The following BCAS3 variants were observed in gnomAD, a reference collection of about 807,000 sequenced individuals.
The protein encoded by BCAS3 is BCAS3 microtubule associated cell migration factor, also known as BCAS4/BCAS3 fusion.
A neutral mutation model predicts 116.1 loss-of-function variants in BCAS3; 53 were observed. That is an observed-to-expected ratio of 0.46 (90% CI 0.37 to 0.57). The LOEUF (loss-of-function observed/expected upper bound fraction) is 0.57. BCAS3 is among the 20% of genes least tolerant of loss of function. The pLI, the probability that BCAS3 is intolerant of heterozygous loss-of-function variation, is 0.00. For synonymous variants in BCAS3, 391 were observed against 408.2 expected, an observed-to-expected ratio of 0.96 and a Z score of 0.51; for missense variants, 917 against 1,165.4, an observed-to-expected ratio of 0.79 and a Z score of 3.10.
At chr17:60,901,170 C>G (rs1213095980) in intron 10 of BCAS3, among the ~76,000 whole-genome samples, 2 of 151,568 alleles carry the variant, frequency 1.3e-5, no homozygotes, top group Admixed American at 6.6e-5. Context: ...GAAATCATAC[C>G]ACTGCACTCC....
intron 22 of BCAS3, among the ~76,000 whole-genome samples, chr17:61,143,033 A>G (rs187779500): frequency 1.7e-4 from 26 of 152,330 alleles, no homozygotes; most frequent in African/African-American, 6.3e-4. Flanking sequence ...ATTATTTATT[A>G]AAAGAACTCA....
intron 7 of BCAS3, among the ~76,000 whole-genome samples, chr17:60,838,373 T>C (rs754777904): frequency 3.2e-4 from 49 of 152,128 alleles, no homozygotes; most frequent in Non-Finnish European, 5.1e-4. Context: ...TTGTAAAGTT[T>C]CTGAATTTCA....
rs182521793 is a variant in BCAS3, at chr17:61,285,506, C to T, written c.2426-82821C>T. Reference sequence around the variant, plus strand: ...AGACTAGACTAGACTAGAGGATTGACGCAGTGAAAATGTTTACTCCTCTAA... The same window carrying T: ...AGACTAGACTAGACTAGAGGATTGATGCAGTGAAAATGTTTACTCCTCTAA... On this transcript the variant is annotated intron_variant, in intron 22 of 23. Transcript: ENST00000407086. This position sits in a 1 kb window ranked among gnomAD's most constrained non-coding sequence, Gnocchi z 5.4. 2.0e-5 allele frequency among the ~76,000 whole-genome samples: 3 copies of T among 152,214 alleles called. No individual in the cohort carries two copies. Among genetic ancestry groups the T allele is most frequent in the Admixed American group, 1.3e-4 (2 of 15,300 alleles).
intron 13 of BCAS3, among the ~76,000 whole-genome samples, 165 bp from the exon 14 acceptor site, chr17:60,947,054 T>G (rs2060540778): frequency 6.6e-6 from 1 of 152,266 alleles, no homozygotes; most frequent in African/African-American, 2.4e-5. Context: ...AAGCTTGGTA[T>G]TCACATGAAA....
intron 5 of BCAS3, among the ~76,000 whole-genome samples, chr17:60,734,203 T>C (rs2040743726): frequency 6.6e-6 from 1 of 152,204 alleles, no homozygotes; most frequent in Non-Finnish European, 1.5e-5. Context: ...CGATCCTAGC[T>C]CACTACAGCT....
chr17:61,044,461 A>AT (rs1288025712), intron 19 of BCAS3, among the ~76,000 whole-genome samples: 1,316 of 126,966 alleles, frequency 0.01, 10 homozygotes, highest in Non-Finnish European at 0.015. Flanking sequence ...AAAAAAAAAA[A>AT]AAAAATATAT....
intron 6 of BCAS3, among the ~76,000 whole-genome samples, chr17:60,765,589 G>A (rs1219465253): frequency 6.6e-6 from 1 of 152,118 alleles, no homozygotes; most frequent in East Asian, 1.9e-4. Context: ...TCCCTTTGTG[G>A]GTAACTTGAC....
At chr17:61,384,591 T>C (rs1014940248) in intron 23 of BCAS3, 5 of 152,146 alleles carry the variant, frequency 3.3e-5, no homozygotes, top group Non-Finnish European at 5.9e-5. Context: ...CAGGGAGTGG[T>C]AGGGCAGGGC....
At position 61,021,553 on chromosome 17, in the gene BCAS3, T is replaced by G. The variant is rs551525759; in HGVS notation, c.1637+5652T>G. 8.9e-4 allele frequency among the ~76,000 whole-genome samples: 135 copies of G among 152,144 alleles called. 1 individual carries two copies. The highest frequency in any genetic ancestry group is 2.0e-3 in the Admixed American group (30 of 15,292). On this transcript the variant is annotated intron_variant, in intron 16 of 23. Transcript: ENST00000407086. This position sits in a 1 kb window ranked among gnomAD's most constrained non-coding sequence, Gnocchi z 4.6. Reference sequence around the variant, plus strand: ...AATTTCTTCACCTGAAAAAAAAAAGTTTATATATATGGATTATAATCTTTT... The same window carrying G: ...AATTTCTTCACCTGAAAAAAAAAAGGTTATATATATGGATTATAATCTTTT...
intron 22 of BCAS3, among the ~76,000 whole-genome samples, chr17:61,182,473 A>T (rs750134776): frequency 1.3e-5 from 2 of 152,108 alleles, no homozygotes; most frequent in Non-Finnish European, 2.9e-5. Context: ...TATCTCCCTA[A>T]TCCTACTCTT....
At position 61,387,776 on chromosome 17, in the gene BCAS3, G is replaced by A. The variant is rs1215750541; in HGVS notation, c.2594-4201G>A. Among the ~76,000 whole-genome samples, 1 of 152,192 alleles carries A rather than the reference G, an allele frequency of 6.6e-6. No homozygotes were observed. The highest frequency in any genetic ancestry group is 1.5e-5 in the Non-Finnish European group (1 of 68,042). On this transcript the variant is annotated intron_variant, in intron 23 of 23. Coordinates refer to ENST00000407086, the MANE Select transcript of BCAS3 (RefSeq NM_017679.5). This position sits in a 1 kb window ranked among gnomAD's most constrained non-coding sequence, Gnocchi z 6.2. The stretch of plus-strand genomic sequence containing the variant: ...CACCCGTTCTTTCTTGGGGGATGGG[G>A]GTGGGAGGTGAAGAACCAGAGCTAG...
At chr17:60,695,864 G>A (rs770908437) in intron 4 of BCAS3, among the ~76,000 whole-genome samples, 1 of 152,126 alleles carries the variant, frequency 6.6e-6, no homozygotes, top group Non-Finnish European at 1.5e-5. Context: ...CTCCTAAAGT[G>A]CTGGGATACA....
chr17:61,185,033 A>C (rs985455606), intron 22 of BCAS3, among the ~76,000 whole-genome samples: 1 of 151,980 alleles, frequency 6.6e-6, no homozygotes, highest in African/African-American at 2.4e-5. Flanking sequence ...TACTATATGC[A>C]TTAAAAAAAA....
Position 61,023,143 on chromosome 17 carries a change from CT to C in BCAS3, c.1637+7243del, listed in dbSNP as rs1209815201. ...TAAAAATGATATTAGGAATAATTTA[CT>C]GATATGCATGTGGGAAATGCAAGTT... On this transcript the variant is annotated intron_variant, in intron 16 of 23. Coordinates refer to ENST00000407086, the MANE Select transcript of BCAS3 (RefSeq NM_017679.5). This position sits in a 1 kb window ranked among gnomAD's most constrained non-coding sequence, Gnocchi z 4.8. Among the ~76,000 whole-genome samples the C allele has an allele frequency of 3.9e-5, 6 of 152,170 alleles. No individual in the cohort carries two copies. The highest frequency in any genetic ancestry group is 1.4e-4 in the African/African-American group (6 of 41,442).
Position 61,285,813 on chromosome 17 carries a change from G to A in BCAS3, c.2426-82514G>A, listed in dbSNP as rs2051716842. 6.6e-6 allele frequency among the ~76,000 whole-genome samples: 1 copy of A among 152,050 alleles called. No homozygotes were observed. Among genetic ancestry groups the A allele is most frequent in the African/African-American group, 2.4e-5 (1 of 41,380 alleles). On this transcript the variant is annotated intron_variant, in intron 22 of 23. Transcript: ENST00000407086. The surrounding 1 kb of genome is among the most constrained non-coding windows in gnomAD (Gnocchi z 5.4). ...GTAAAGGAGCCTGCAGCTGAGCCTCGAGTTTCTCATGTCTTCCCTCCCATC... is the reference window on the plus strand; with the variant it reads ...GTAAAGGAGCCTGCAGCTGAGCCTCAAGTTTCTCATGTCTTCCCTCCCATC...
intron 14 of BCAS3, among the ~76,000 whole-genome samples, chr17:60,982,409 G>A (rs990192103): frequency 1.3e-5 from 2 of 152,142 alleles, no homozygotes; most frequent in African/African-American, 2.4e-5. Flanking sequence ...CTGGGCTTAA[G>A]CGATCCTTCT....
chr17:61,255,691 A>G (rs1270411997), intron 22 of BCAS3, among the ~76,000 whole-genome samples: 1 of 152,166 alleles, frequency 6.6e-6, no homozygotes, highest in East Asian at 1.9e-4. Flanking sequence ...ATTCTTTTGG[A>G]AGCCTAGACT....
rs750573323 is a variant in BCAS3, at chr17:61,073,721, T to C, written c.2030-1199T>C. 4.6e-5 allele frequency among the ~76,000 whole-genome samples: 7 copies of C among 152,176 alleles called. No individual in the cohort carries two copies. Among genetic ancestry groups the C allele is most frequent in the Non-Finnish European group, 1.0e-4 (7 of 68,022 alleles). ...CTTTTCTATTTCTTCCACACTTCTTTAATGATCATCTCTTACTTTCTTACT... is the reference window on the plus strand; with the variant it reads ...CTTTTCTATTTCTTCCACACTTCTTCAATGATCATCTCTTACTTTCTTACT... On this transcript the variant is annotated intron_variant, in intron 19 of 23. Coordinates refer to ENST00000407086, the MANE Select transcript of BCAS3 (RefSeq NM_017679.5). This position sits in a 1 kb window ranked among gnomAD's most constrained non-coding sequence, Gnocchi z 4.6.
chr17:61,146,881 A>G (rs970943666), intron 22 of BCAS3, among the ~76,000 whole-genome samples: 1 of 152,116 alleles, frequency 6.6e-6, no homozygotes. Flanking sequence ...AAACCCACTT[A>G]GTTTTTTTAA....
Sources: gnomAD v4.1 joint callset for allele counts (sites outside exome capture counted in the v4.1 genomes callset) on GRCh38, gnomAD v4.1.1 for gene constraint, Gnocchi (gnomAD v3.1) non-coding constraint, MANE v1.5 for transcripts, NCBI Gene and HGNC (gene_info 2026-07-23, HGNC 2026-07-21) for gene names.